NUP205: variants seen among roughly 807,000 people sequenced by gnomAD.
The protein encoded by NUP205 is nuclear pore complex protein Nup205.
A neutral mutation model predicts 253.8 loss-of-function variants in NUP205; 76 were observed. The observed-to-expected ratio is 0.30, with a 90% confidence interval of 0.25 to 0.36. NUP205 has a LOEUF of 0.36. Ranked by LOEUF, NUP205 falls within the 10% of genes least tolerant of loss-of-function variation. NUP205 has a pLI of 1.00. For missense variants in NUP205, 2,162 were observed against 2,425.5 expected, an observed-to-expected ratio of 0.89 and a Z score of 2.28; for synonymous variants, 832 against 850.1, an observed-to-expected ratio of 0.98 and a Z score of 0.37.
chr7:135,576,168 C>T, intron 3 of NUP205, 102 bp from the exon 4 acceptor site: 2 of 966,680 alleles, frequency 2.1e-6, no homozygotes, highest in Non-Finnish European at 3.2e-6. Context: ...AAGCCCTGAG[C>T]TACTGTGATT....
At position 135,557,972 on chromosome 7, in the gene NUP205, G is replaced by A; in HGVS notation, c.28G>A (p.Ala10Thr). 6.2e-7 allele frequency: 1 copy of A among 1,612,936 alleles called. No homozygotes were observed. Among genetic ancestry groups the A allele is most frequent in the Non-Finnish European group, 8.5e-7 (1 of 1,178,880 alleles). ...GGCGACGCCTTTGGCGGTAAATTCGGGTAAGTGTGGCCAGACAGAAAGACG... is the reference window on the plus strand; with the variant it reads ...GGCGACGCCTTTGGCGGTAAATTCGAGTAAGTGTGGCCAGACAGAAAGACG... MATPLAVNS[A>T]ASLWGPYKDI... Residue 10 changes from alanine (A) to threonine (T), a missense_variant and splice_region_variant, in exon 1 of 43, where the codon GCT (alanine) becomes ACT (threonine). Around this residue, in one of 5 missense-constraint regions of NUP205, gnomAD observed 109 missense variants for 131.8 expected, o/e 0.83. Transcript: ENST00000285968.
In NUP205 at chr7:135,644,982, A is replaced by T. The variant is rs147046577; in HGVS notation, c.5647A>T (p.Ile1883Phe). The T allele has an allele frequency of 1.9e-6, 3 of 1,614,136 alleles. No homozygotes were observed. In the East Asian group the frequency reaches 6.7e-5, roughly 36 times the overall value. ...AGCAAGACGGCGCTTGGTGAAGGTG[A>T]TCAACAATCGAGCTAAACTGCTTTC... ...VLARRRLVKV[I>F]NNRAKLLSLC... is the part of the protein sequence containing the mutation. Residue 1883 changes from isoleucine (I) to phenylalanine (F), a missense_variant, in exon 40 of 43, where the codon ATC (isoleucine) becomes TTC (phenylalanine). By Grantham distance (21) the Ile-to-Phe change is conservative. Around this residue, in one of 5 missense-constraint regions of NUP205, gnomAD observed 1,144 missense variants for 1,280.9 expected, o/e 0.89. Transcript: ENST00000285968.
At chr7:135,619,999 T>C (rs979318708) in intron 30 of NUP205, 111 bp downstream of exon 30, 2 of 713,662 alleles carry the variant, frequency 2.8e-6, no homozygotes, top group African/African-American at 3.6e-5. Flanking sequence ...AAAAAATGAG[T>C]GTTAGTGTCA....
At chr7:135,617,280 G>A in intron 26 of NUP205, 33 bp downstream of exon 26, 2 of 1,586,634 alleles carry the variant, frequency 1.3e-6, no homozygotes, top group Non-Finnish European at 1.7e-6. Context: ...TATCTGCAGT[G>A]TCAAGTGGCT....
chr7:135,611,199 G>A (rs916066210), intron 22 of NUP205, among the ~76,000 whole-genome samples: 1 of 151,980 alleles, frequency 6.6e-6, no homozygotes, highest in South Asian at 2.1e-4. Context: ...TAGTGGAGAC[G>A]GGGTTTCACC....
rs1806627492 is a variant in NUP205 at position 135,591,473 on chromosome 7, G to A, written c.1497G>A (p.Arg499=). 6.2e-7 allele frequency: 1 copy of A among 1,613,694 alleles called. No homozygotes were observed. ...QRQVVLSKFV[R]QMGDLLPPTI... ...AGGTTGTCTTGTCAAAGTTTGTTAG[G>A]CAAATGGGTGACCTGTTGCCTCCAA... Residue 499 remains arginine (R), a synonymous_variant, in exon 11 of 43, where the codon AGG becomes AGA. Transcript: ENST00000285968.
At chr7:135,562,721 T>C (rs1805623741) in intron 1 of NUP205, among the ~76,000 whole-genome samples, 1 of 151,916 alleles carries the variant, frequency 6.6e-6, no homozygotes, top group Non-Finnish European at 1.5e-5. Context: ...CTAATTTTTG[T>C]ATTTTTAGTA....
At chr7:135,570,081 A>AGG (rs1554456256) in intron 1 of NUP205, among the ~76,000 whole-genome samples, 12 of 149,710 alleles carry the variant, frequency 8.0e-5, no homozygotes, top group East Asian at 3.9e-4. Context: ...AGAGAGAGAG[A>AGG]GAGAGAGAGA....
At chr7:135,593,383 T>C (rs2129490303) in intron 12 of NUP205, among the ~76,000 whole-genome samples, 191 bp downstream of exon 12, 1 of 152,290 alleles carries the variant, frequency 6.6e-6, no homozygotes, top group Non-Finnish European at 1.5e-5. Flanking sequence ...GCCCTGCTCA[T>C]TGGCATAATC....
chr7:135,559,622 C>T (rs1021170074), intron 1 of NUP205, among the ~76,000 whole-genome samples: 5 of 151,798 alleles, frequency 3.3e-5, no homozygotes, highest in Non-Finnish European at 4.4e-5. Context: ...CTTTCTGCCT[C>T]GGCCTCCCAA....
chr7:135,570,761 T>TATTATATTAATATAA (rs1805957445), intron 1 of NUP205, among the ~76,000 whole-genome samples: 1 of 89,768 alleles, frequency 1.1e-5, no homozygotes, highest in Non-Finnish European at 2.1e-5. Context: ...TATATTTATA[T>TATTATATTAATATAA]ATTATATTAA....
In NUP205 at chr7:135,570,674, TA is replaced by T. The variant is rs1423321342; in HGVS notation, c.29-430del. 3.7e-3 allele frequency among the ~76,000 whole-genome samples: 433 copies of T among 116,630 alleles called. 1 individual carries two copies. Among genetic ancestry groups the T allele is most frequent in the Non-Finnish European group, 5.2e-3 (311 of 60,026 alleles). The allele number at this position is 116,630 out of a possible 152,430, so 76.5% of individuals were successfully genotyped here. A position where few individuals can be genotyped will look rare whatever the true frequency, so the allele number is the denominator to read the frequency against. ...TCATTTATTATATTAATATAATTAA[TA>T]TATATTAATTATATTAATATAATTA... On this transcript the variant is annotated intron_variant, in intron 1 of 42. Coordinates refer to ENST00000285968, the MANE Select transcript of NUP205 (RefSeq NM_015135.3).
At chr7:135,617,361 G>A (rs1794384329) in intron 26 of NUP205, 114 bp downstream of exon 26, 2 of 1,065,260 alleles carry the variant, frequency 1.9e-6, no homozygotes, top group South Asian at 1.6e-5. Context: ...TGGTTTAGTA[G>A]TTTATAGGAA....
chr7:135,624,899 A>G (rs182585366), intron 31 of NUP205, among the ~76,000 whole-genome samples: 113 of 152,328 alleles, frequency 7.4e-4, no homozygotes, highest in Middle Eastern at 6.8e-3. Context: ...ACTAAAATAC[A>G]TCTAATGCCA....
intron 1 of NUP205, among the ~76,000 whole-genome samples, chr7:135,566,836 C>T (rs529300937): frequency 2.0e-5 from 3 of 152,010 alleles, no homozygotes; most frequent in Admixed American, 6.6e-5. Context: ...CTCCCAGGTT[C>T]AAGCAATTCT....
chr7:135,564,124 G>A (rs764165088), intron 1 of NUP205, among the ~76,000 whole-genome samples: 7 of 151,430 alleles, frequency 4.6e-5, no homozygotes, highest in African/African-American at 9.7e-5. Context: ...TGTTGCCCAC[G>A]CTGGAGTGCA....
At chr7:135,563,682 T>A (rs1310132724) in intron 1 of NUP205, among the ~76,000 whole-genome samples, 1 of 152,026 alleles carries the variant, frequency 6.6e-6, no homozygotes, top group Non-Finnish European at 1.5e-5. Context: ...TTTTGAAAAA[T>A]TTATAGTGTC....
rs184332186 is a variant in NUP205 at position 135,630,727 on chromosome 7, C to T, written c.5059+257C>T. 8.5e-5 allele frequency among the ~76,000 whole-genome samples: 13 copies of T among 152,120 alleles called. No homozygotes were observed. The East Asian group carries it at 2.3e-3, about 27-fold the overall frequency. On this transcript the variant is annotated intron_variant, in intron 35 of 42. Coordinates refer to ENST00000285968, the MANE Select transcript of NUP205 (RefSeq NM_015135.3). ...TTGCTTGAGGCCAAGGGTTCAAGAC[C>T]AGCCTGGGCAACATAGAGACACCCT...
intron 11 of NUP205, 40 bp downstream of exon 11, chr7:135,591,640 C>A: frequency 6.3e-7 from 1 of 1,580,770 alleles, no homozygotes; most frequent in Non-Finnish European, 8.6e-7. Context: ...TGTTGTTATA[C>A]TCTTTTAAGT....
Sources: allele counts gnomAD v4.1 joint callset (sites outside exome capture counted in the v4.1 genomes callset), GRCh38; gene constraint gnomAD v4.1.1; regional missense constraint gnomAD v4.1.1; transcripts MANE v1.5; gene names NCBI Gene and HGNC (gene_info 2026-07-23, HGNC 2026-07-21).